The following PCLAF variants were observed in gnomAD, a reference collection of about 807,000 sequenced individuals.
The protein encoded by PCLAF is PCNA-associated factor.
Under a neutral mutation model 15.1 loss-of-function variants are expected in PCLAF, and 12 were observed. The ratio of observed to expected loss-of-function variants is 0.79; its 90% CI spans 0.51 to 1.29. PCLAF has a LOEUF of 1.29. Among genes scored for constraint, PCLAF ranks in the 50% most tolerant of loss-of-function variants. The pLI, the probability that PCLAF is intolerant of heterozygous loss-of-function variation, is 0.00. For synonymous variants in PCLAF, 33 were observed against 47.1 expected, an observed-to-expected ratio of 0.70 and a Z score of 1.22; for missense variants, 116 against 130.9, an observed-to-expected ratio of 0.89 and a Z score of 0.56.
chr15:64,381,296 G>A (rs202164043), intron 1 of PCLAF, 30 bp downstream of exon 1: 2 of 1,612,722 alleles, frequency 1.2e-6, no homozygotes, highest in East Asian at 4.5e-5. Context: ...GGACCCCCCC[G>A]CCCTCCAGTA....
At chr15:64,387,642 T>C (rs564774105) in exon 1 of PCLAF, 15 of 1,413,468 alleles carry the variant, frequency 1.1e-5, no homozygotes, top group Admixed American at 3.0e-5. Context: ...GCAAGAATCA[T>C]GCACTGACAG....
chr15:64,366,339 TA>T (rs1290589961), intron 3 of PCLAF, among the ~76,000 whole-genome samples: 1 of 152,168 alleles, frequency 6.6e-6, no homozygotes, highest in Admixed American at 6.5e-5. Context: ...TAATTTTTAT[TA>T]AAAAAAGAAT....
rs1899010256 is a variant in PCLAF at position 64,365,916 on chromosome 15, T to G, written c.*114A>C. ...ACATCTAAATTTAAACCTAAATTTT[T>G]TAATTAAATGCCTGTTCAACAAAGC... On this transcript the variant is annotated 3_prime_UTR_variant, in exon 4 of 4. Coordinates refer to ENST00000300035, the MANE Select transcript of PCLAF (RefSeq NM_014736.6). The G allele has an allele frequency of 3.5e-6, 3 of 854,620 alleles. No homozygotes were observed. The highest frequency in any genetic ancestry group is 5.6e-6 in the Non-Finnish European group (3 of 539,438). The allele number at this position is 854,620 out of a possible 1,614,324, so 52.9% of individuals were successfully genotyped here. A position where few individuals can be genotyped will look rare whatever the true frequency, so the allele number is the denominator to read the frequency against.
At chr15:64,374,358 G>A (rs752033278) in intron 3 of PCLAF, among the ~76,000 whole-genome samples, 4 of 151,940 alleles carry the variant, frequency 2.6e-5, no homozygotes, top group Non-Finnish European at 5.9e-5. Flanking sequence ...CTAACACGGT[G>A]AAATCCCATC....
chr15:64,371,553 G>A (rs972344079), intron 3 of PCLAF, among the ~76,000 whole-genome samples: 3 of 151,452 alleles, frequency 2.0e-5, no homozygotes, highest in African/African-American at 4.9e-5. Flanking sequence ...GGCATGAGCC[G>A]CCGTGCCCAG....
chr15:64,382,836 TA>T, upstream of PCLAF: 3 of 283,172 alleles, frequency 1.1e-5, no homozygotes, highest in South Asian at 3.1e-5. Context: ...AAATAAAAAA[TA>T]AAAAATTAGC....
chr15:64,387,455 C>A, exon 1 of PCLAF: 6 of 1,261,514 alleles, frequency 4.8e-6, no homozygotes, highest in Non-Finnish European at 6.1e-6. Context: ...ACAGCGCTTA[C>A]AATACCTTCC....
intron 3 of PCLAF, among the ~76,000 whole-genome samples, chr15:64,369,646 G>A (rs560842306): frequency 2.0e-5 from 3 of 152,068 alleles, no homozygotes; most frequent in Non-Finnish European, 4.4e-5. Flanking sequence ...TGCCTCCCAG[G>A]TTCAAGTGAT....
upstream of PCLAF, chr15:64,382,383 T>A (rs1479348546): frequency 7.1e-6 from 1 of 140,372 alleles, no homozygotes; most frequent in Non-Finnish European, 1.5e-5. Context: ...CACCATGCAC[T>A]CCAGCCTGGG....
intron 1 of PCLAF, among the ~76,000 whole-genome samples, chr15:64,387,021 T>G (rs1566969191): frequency 6.6e-6 from 1 of 152,070 alleles, no homozygotes; most frequent in Non-Finnish European, 1.5e-5. Context: ...ATGTGGAAAG[T>G]CCTCAAAGCC....
chr15:64,378,248 G>A (rs999594306), intron 2 of PCLAF, among the ~76,000 whole-genome samples: 2 of 152,084 alleles, frequency 1.3e-5, no homozygotes, highest in African/African-American at 4.8e-5. Flanking sequence ...TTTTTCAACA[G>A]TAATATAAGG....
intron 3 of PCLAF, among the ~76,000 whole-genome samples, chr15:64,375,246 T>C (rs1899560758): frequency 6.6e-6 from 1 of 152,162 alleles, no homozygotes; most frequent in African/African-American, 2.4e-5. Flanking sequence ...TGCTTCAGCC[T>C]CCCGAGTAGC....
chr15:64,368,654 G>A (rs72758930), intron 3 of PCLAF, among the ~76,000 whole-genome samples: 6,786 of 152,074 alleles, frequency 0.045, 195 homozygotes, highest in South Asian at 0.086. Context: ...CAATAAAGGG[G>A]TAATTACAAT....
At chr15:64,384,197 C>G (rs936382575), upstream of PCLAF, among the ~76,000 whole-genome samples, 1 of 152,054 alleles carries the variant, frequency 6.6e-6, no homozygotes, top group African/African-American at 2.4e-5. Context: ...TGCAGTGGCA[C>G]GATCTCAGCT....
chr15:64,368,895 G>A (rs1899162075), intron 3 of PCLAF, among the ~76,000 whole-genome samples: 1 of 152,120 alleles, frequency 6.6e-6, no homozygotes, highest in East Asian at 1.9e-4. Flanking sequence ...TTTCCTTGAT[G>A]TAAGTCACAG....
At chr15:64,383,662 T>C (rs3764188), upstream of PCLAF, among the ~76,000 whole-genome samples, 127,475 of 152,048 alleles carry the variant, frequency 0.84, 55,583 homozygotes, top group East Asian at 0.96. Context: ...CCACCACACC[T>C]GGCCAGCACA....
chr15:64,379,912 CAAAAA>C (rs368301156), intron 2 of PCLAF, among the ~76,000 whole-genome samples: 1 of 150,814 alleles, frequency 6.6e-6, no homozygotes, highest in African/African-American at 2.4e-5. Flanking sequence ...AACAAACAAA[CAAAAA>C]AGAGTAAGGA....
chr15:64,386,619 A>T (rs941246848), intron 1 of PCLAF, among the ~76,000 whole-genome samples: 2 of 146,314 alleles, frequency 1.4e-5, no homozygotes, highest in African/African-American at 5.0e-5. Context: ...CACCACGCCC[A>T]GTGTGTGTGT....
intron 2 of PCLAF, among the ~76,000 whole-genome samples, chr15:64,379,965 T>G (rs1216384047): frequency 6.6e-6 from 1 of 152,152 alleles, no homozygotes; most frequent in African/African-American, 2.4e-5. Context: ...AAAAACATTT[T>G]TATTAAAGTT....
Sources: allele counts gnomAD v4.1 joint callset (sites outside exome capture counted in the v4.1 genomes callset), GRCh38; gene constraint gnomAD v4.1.1; transcripts MANE v1.5; gene names NCBI Gene and HGNC (gene_info 2026-07-23, HGNC 2026-07-21).